The following DNPEP variants were observed in gnomAD, a reference collection of about 807,000 sequenced individuals.
The protein encoded by DNPEP is aspartyl aminopeptidase.
A neutral mutation model predicts 59.1 loss-of-function variants in DNPEP; 46 were observed. That is an observed-to-expected ratio of 0.78 (90% CI 0.61 to 0.99). The LOEUF is 0.99. Among genes scored for constraint, DNPEP ranks in the 50% least tolerant of loss-of-function variants. DNPEP has a pLI of 0.00. For missense variants in DNPEP, 617 were observed against 649.9 expected (o/e 0.95, Z 0.55); for synonymous variants, 229 against 242.2 (o/e 0.95, Z 0.50).
chr2:219,381,634 C>G, intron 11 of DNPEP, 50 bp from the exon 12 acceptor site: 1 of 1,571,020 alleles, frequency 6.4e-7, no homozygotes, highest in Non-Finnish European at 8.8e-7. Flanking sequence ...GCAGGCCTGT[C>G]GACACTCACC....
chr2:219,396,695 G>A (rs899011046), intron 1 of DNPEP, among the ~76,000 whole-genome samples: 3 of 152,148 alleles, frequency 2.0e-5, no homozygotes, highest in South Asian at 2.1e-4. Flanking sequence ...TGAGTTTCCT[G>A]TATTTTCATT....
rs565597363 is a variant in DNPEP at position 219,381,946 on chromosome 2, G to C, written c.1097+33C>G. ...AGGTTATGCTTGGGTCTCCAGCTAT[G>C]TGAAGACTGTGTGACTGGCACTAGA... On this transcript the variant is annotated intron_variant, in intron 11 of 14. Coordinates refer to ENST00000273075, the MANE Select transcript of DNPEP (RefSeq NM_012100.4). 192 of 1,611,414 alleles carry C rather than the reference G, an allele frequency of 1.2e-4. 5 individuals are homozygous for C. The South Asian group carries it at 1.7e-3, about 14-fold the overall frequency.
chr2:219,394,266 G>A (rs1044660963), intron 1 of DNPEP, among the ~76,000 whole-genome samples: 6 of 152,160 alleles, frequency 3.9e-5, no homozygotes, highest in Non-Finnish European at 8.8e-5. Flanking sequence ...CCCAATGGTC[G>A]ATTTTCAGTC....
chr2:219,381,446 G>T lies in DNPEP; in HGVS notation c.1138-10C>A, dbSNP rs1953594174. The T allele has an allele frequency of 1.9e-6, 3 of 1,614,216 alleles. No homozygotes were observed. In the South Asian group the frequency reaches 3.3e-5, roughly 18 times the overall value. Reference sequence around the variant, plus strand: ...CCTTGATCACGGGGCCCTGGGGAGAGTCAAGGTGAGGCAGAGGTAATGACA... The same window carrying T: ...CCTTGATCACGGGGCCCTGGGGAGATTCAAGGTGAGGCAGAGGTAATGACA... On this transcript the variant is annotated splice_polypyrimidine_tract_variant and intron_variant, in intron 12 of 14. Coordinates refer to ENST00000273075, the MANE Select transcript of DNPEP (RefSeq NM_012100.4).
chr2:219,399,568 G>A (rs913619421), intron 1 of DNPEP: 3 of 591,932 alleles, frequency 5.1e-6, no homozygotes, highest in Non-Finnish European at 6.3e-6. Context: ...AAAAACACTT[G>A]TGCCGATGGG....
intron 10 of DNPEP, 122 bp from the exon 11 acceptor site, chr2:219,382,261 C>G: frequency 9.0e-7 from 1 of 1,117,296 alleles, no homozygotes; most frequent in Non-Finnish European, 1.3e-6. Flanking sequence ...GTGTTCTTAG[C>G]AACACCCCTA....
chr2:219,375,306 C>T (rs994091510), intron 13 of DNPEP, among the ~76,000 whole-genome samples: 3 of 152,062 alleles, frequency 2.0e-5, no homozygotes, highest in Non-Finnish European at 4.4e-5. Flanking sequence ...TTAATATCCA[C>T]ACTCACAGAA....
At chr2:219,374,493 C>G (rs1953289687) in intron 14 of DNPEP, 151 bp from the exon 15 acceptor site, 1 of 714,974 alleles carries the variant, frequency 1.4e-6, no homozygotes. Flanking sequence ...CAGCCCTGAT[C>G]CCCTCTTCCC....
chr2:219,383,315 C>G, intron 9 of DNPEP, 101 bp from the exon 10 acceptor site: 1 of 959,652 alleles, frequency 1.0e-6, no homozygotes, highest in Non-Finnish European at 1.6e-6. Context: ...TCCACCAGCA[C>G]CTTGGGTGTG....
In DNPEP at chr2:219,381,620, A is replaced by C. The variant is rs576791911; in HGVS notation, c.1098-36T>G. On this transcript the variant is annotated intron_variant, in intron 11 of 14. Transcript: ENST00000273075. ...CAGATAAGGGCCAGACATAGCAAAC[A>C]GGAGCAGGCCTGTCGACACTCACCA... 35 of 1,611,172 alleles carry C rather than the reference A, an allele frequency of 2.2e-5. No homozygotes were observed. In the South Asian group the frequency reaches 3.7e-4, roughly 17 times the overall value.
chr2:219,387,825 C>G lies in DNPEP; in HGVS notation c.-31G>C. ...CTCCGGGCTCGGCCCGCCCCCACCGCGCCGCCTGCCCCGCCCCTCACTAGC... is the reference window on the plus strand; with the variant it reads ...CTCCGGGCTCGGCCCGCCCCCACCGGGCCGCCTGCCCCGCCCCTCACTAGC... On this transcript the variant is annotated 5_prime_UTR_variant, in exon 1 of 15. Transcript: ENST00000273075. 1 of 1,554,466 alleles carries G rather than the reference C, an allele frequency of 6.4e-7. No homozygotes were observed. The highest frequency in any genetic ancestry group is 8.7e-7 in the Non-Finnish European group (1 of 1,153,648).
chr2:219,392,983 A>G (rs1279751569), upstream of DNPEP, among the ~76,000 whole-genome samples: 4 of 152,128 alleles, frequency 2.6e-5, no homozygotes, highest in African/African-American at 4.8e-5. Context: ...CCTGACTGCA[A>G]CCAGCTCCTC....
intron 1 of DNPEP, among the ~76,000 whole-genome samples, chr2:219,397,762 G>C (rs1278993789): frequency 6.6e-6 from 1 of 152,146 alleles, no homozygotes; most frequent in Non-Finnish European, 1.5e-5. Flanking sequence ...GCTAATTTTT[G>C]TATTTTTAGT....
chr2:219,381,691 C>G (rs1474029212), intron 11 of DNPEP, 107 bp from the exon 12 acceptor site: 11 of 1,294,024 alleles, frequency 8.5e-6, no homozygotes, highest in African/African-American at 1.5e-5. Context: ...TCTTTCCCGC[C>G]CAGCCCAGTG....
chr2:219,386,544 A>G (rs1018982236), intron 4 of DNPEP, 121 bp downstream of exon 4: 3 of 1,468,794 alleles, frequency 2.0e-6, no homozygotes, highest in Non-Finnish European at 2.8e-6. Flanking sequence ...GAAGGGGCCA[A>G]CAAGTTTACC....
At chr2:219,382,736 C>T (rs1460188382) in intron 10 of DNPEP, among the ~76,000 whole-genome samples, 1 of 152,200 alleles carries the variant, frequency 6.6e-6, no homozygotes, top group Non-Finnish European at 1.5e-5. Context: ...GGGACCCCTC[C>T]TAAACTGCTA....
At position 219,387,350 on chromosome 2, in the gene DNPEP, G is replaced by A. The variant is rs1231905305; in HGVS notation, c.37-187C>T. 1.9e-5 allele frequency: 28 copies of A among 1,439,916 alleles called. No individual in the cohort carries two copies. The Admixed American group carries it at 5.8e-4, about 30-fold the overall frequency. The allele number at this position is 1,439,916 out of a possible 1,614,324, so 89.2% of individuals were successfully genotyped here. On this transcript the variant is annotated intron_variant, in intron 1 of 14. Coordinates refer to ENST00000273075, the MANE Select transcript of DNPEP (RefSeq NM_012100.4). The stretch of plus-strand genomic sequence containing the variant: ...ACTCCGTTGAAAGCTTCAGCCCGCC[G>A]GCCCAGGATCATGAGCCAGGCCCGC...
At chr2:219,385,128 G>T (rs1157508004) in intron 8 of DNPEP, 3 of 332,476 alleles carry the variant, frequency 9.0e-6, no homozygotes, top group African/African-American at 2.1e-5. Context: ...CTTTCCCTAA[G>T]CAGTTCAGTG....
chr2:219,387,325 A>C (rs1574992688), intron 1 of DNPEP, 162 bp from the exon 2 acceptor site: 1 of 1,442,726 alleles, frequency 6.9e-7, no homozygotes, highest in Non-Finnish European at 9.1e-7. Context: ...CAGGGCTGAA[A>C]CTCCGTTGAA....
Sources: allele counts gnomAD v4.1 joint callset (sites outside exome capture counted in the v4.1 genomes callset), GRCh38; gene constraint gnomAD v4.1.1; transcripts MANE v1.5; gene names NCBI Gene and HGNC (gene_info 2026-07-23, HGNC 2026-07-21).